The following PSD3 variants were observed in gnomAD, a reference collection of about 807,000 sequenced individuals.
PSD3 encodes the protein pleckstrin and Sec7 domain containing 3.
A neutral mutation model predicts 105.5 loss-of-function variants in PSD3; 49 were observed. That is an observed-to-expected ratio of 0.46 (90% confidence interval 0.37 to 0.59). PSD3 has a LOEUF of 0.59. Among genes scored for constraint, PSD3 ranks in the 20% least tolerant of loss-of-function variants. The probability of loss-of-function intolerance (pLI) is 0.00; values close to 1 mark genes in which losing one functional copy is unlikely to be tolerated. For synonymous variants in PSD3, 557 were observed against 457.8 expected (o/e 1.22, Z -2.77); for missense variants, 1,561 against 1,263.8 (o/e 1.24, Z -3.57).
chr8:19,010,358 A>C (rs554916218), intron 1 of PSD3, among the ~76,000 whole-genome samples: 1 of 152,352 alleles, frequency 6.6e-6, no homozygotes, highest in Non-Finnish European at 1.5e-5. Flanking sequence ...GGGCGCAGTG[A>C]AAAACCTTTC....
chr8:18,628,333 T>C (rs558708399), intron 11 of PSD3, among the ~76,000 whole-genome samples: 1 of 152,054 alleles, frequency 6.6e-6, no homozygotes, highest in East Asian at 1.9e-4. Flanking sequence ...AAAGCATTCA[T>C]AGTAGCAGAA....
chr8:18,569,204 T>G (rs1036794534), intron 14 of PSD3, among the ~76,000 whole-genome samples: 1 of 134,198 alleles, frequency 7.5e-6, no homozygotes, highest in African/African-American at 2.8e-5. Flanking sequence ...TGATTTATAG[T>G]CCTTTGGGTA....
chr8:18,951,222 C>T (rs904139365), intron 1 of PSD3, among the ~76,000 whole-genome samples: 2 of 152,184 alleles, frequency 1.3e-5, no homozygotes, highest in South Asian at 2.1e-4. Context: ...TAGTGAGACA[C>T]CATCTCCACA....
At chr8:18,625,618 C>T (rs1806420718) in intron 11 of PSD3, among the ~76,000 whole-genome samples, 1 of 152,184 alleles carries the variant, frequency 6.6e-6, no homozygotes, top group Admixed American at 6.5e-5. Flanking sequence ...ACAAAAAATG[C>T]AGAATTTAAA....
In PSD3 at chr8:19,046,117, T is replaced by G. The variant is rs180951470; in HGVS notation, c.324+38089A>C. On this transcript the variant is annotated intron_variant, in intron 1 of 1. Coordinates refer to the PSD3 transcript ENST00000521475. Reference sequence around the variant, plus strand: ...GGTGAAGTAACTAGATCTTTTGTTGTTGGTGGTGTTTTGAGATGGAGTCTC... The same window carrying G: ...GGTGAAGTAACTAGATCTTTTGTTGGTGGTGGTGTTTTGAGATGGAGTCTC... Among the ~76,000 whole-genome samples, 95 of 152,270 alleles carry G rather than the reference T, an allele frequency of 6.2e-4. No homozygotes were observed. The East Asian group carries it at 0.011, about 17-fold the overall frequency.
chr8:18,876,179 A>G (rs1817725391), intron 2 of PSD3, among the ~76,000 whole-genome samples: 1 of 152,060 alleles, frequency 6.6e-6, no homozygotes, highest in Non-Finnish European at 1.5e-5. Context: ...CTCCCAGTTC[A>G]GCCTCCCAAG....
At chr8:18,606,741 G>C (rs1001915173) in intron 11 of PSD3, among the ~76,000 whole-genome samples, 4 of 151,954 alleles carry the variant, frequency 2.6e-5, no homozygotes, top group African/African-American at 9.7e-5. Flanking sequence ...GCCAGAACAT[G>C]AATAGAGGCA....
intron 1 of PSD3, among the ~76,000 whole-genome samples, chr8:18,979,174 G>C (rs1825119736): frequency 6.6e-6 from 1 of 151,702 alleles, no homozygotes; most frequent in Admixed American, 6.6e-5. Flanking sequence ...AGACACTGGG[G>C]GGCGGCCAGC....
chr8:18,672,147 A>G (rs1799820914), intron 9 of PSD3, among the ~76,000 whole-genome samples: 1 of 152,204 alleles, frequency 6.6e-6, no homozygotes, highest in Non-Finnish European at 1.5e-5. Context: ...CATGTACCAT[A>G]ATAAAAAATG....
At position 18,528,020 on chromosome 8, in the gene PSD3, TCA is replaced by T. The variant is rs1248594631; in HGVS notation, c.*7721_*7722del. ...TAGTTTGAGCCACAGTGAATATAAC[TCA>T]GTTATTATAATAGGCTGGAAAAGTT... On this transcript the variant is annotated 3_prime_UTR_variant, in exon 16 of 16. Coordinates refer to ENST00000327040, the MANE Select transcript of PSD3 (RefSeq NM_015310.4). The T allele has an allele frequency of 1.9e-4, 29 of 152,228 alleles. No homozygotes were observed. The highest frequency in any genetic ancestry group is 1.9e-3 in the Admixed American group (29 of 15,278). 9.4% of individuals were successfully genotyped at this position (152,228 alleles called of 1,614,324 possible). A position where few individuals can be genotyped will look rare whatever the true frequency, so the allele number is the denominator to read the frequency against.
chr8:18,787,400 A>C (rs1809269774), intron 8 of PSD3, among the ~76,000 whole-genome samples: 1 of 152,216 alleles, frequency 6.6e-6, no homozygotes. Flanking sequence ...AAACAGATGC[A>C]ACTAAAGATG....
intron 2 of PSD3, among the ~76,000 whole-genome samples, chr8:18,911,663 A>G (rs1399340204): frequency 6.6e-6 from 1 of 152,232 alleles, no homozygotes; most frequent in African/African-American, 2.4e-5. Context: ...GTGATAAAAC[A>G]GAAAATGAAA....
intron 11 of PSD3, among the ~76,000 whole-genome samples, chr8:18,613,800 G>A (rs1805453323): frequency 6.6e-6 from 1 of 152,110 alleles, no homozygotes; most frequent in African/African-American, 2.4e-5. Flanking sequence ...ACCTTGCCTT[G>A]AATCTTTGAA....
chr8:18,607,600 T>G (rs1170498171), intron 11 of PSD3, among the ~76,000 whole-genome samples: 3 of 141,606 alleles, frequency 2.1e-5, no homozygotes, highest in Non-Finnish European at 3.0e-5. Context: ...GATCTAGGAG[T>G]GATATTAAAA....
At chr8:18,774,285 T>C (rs1807821286) in intron 8 of PSD3, among the ~76,000 whole-genome samples, 1 of 152,212 alleles carries the variant, frequency 6.6e-6, no homozygotes, top group South Asian at 2.1e-4. Context: ...GTACATGTGA[T>C]ATCTTGATAT....
At chr8:18,738,313 A>G (rs540165424) in intron 9 of PSD3, among the ~76,000 whole-genome samples, 2 of 152,300 alleles carry the variant, frequency 1.3e-5, no homozygotes, top group East Asian at 3.9e-4. Context: ...TTAGGGCCTT[A>G]AACAACTCAC....
intron 9 of PSD3, among the ~76,000 whole-genome samples, chr8:18,693,177 C>G (rs369228048): frequency 2.0e-5 from 3 of 152,286 alleles, no homozygotes; most frequent in South Asian, 4.1e-4. Flanking sequence ...GCTGCTACCC[C>G]TCAATGAGTA....
At chr8:18,729,971 A>G (rs1803615832) in intron 9 of PSD3, among the ~76,000 whole-genome samples, 1 of 152,192 alleles carries the variant, frequency 6.6e-6, no homozygotes, top group Admixed American at 6.5e-5. Context: ...CAAAGCCTAC[A>G]TTCCATAAAG....
chr8:18,712,149 C>A (rs1168300730), intron 9 of PSD3, among the ~76,000 whole-genome samples: 1 of 152,096 alleles, frequency 6.6e-6, no homozygotes, highest in Admixed American at 6.5e-5. Context: ...ATTTACAGTA[C>A]TAAATGCCCA....
Sources: allele counts gnomAD v4.1 joint callset (sites outside exome capture counted in the v4.1 genomes callset), GRCh38; gene constraint gnomAD v4.1.1; transcripts MANE v1.5; gene names NCBI Gene and HGNC (gene_info 2026-07-23, HGNC 2026-07-21).